The following CDH20 variants were observed in gnomAD, a reference collection of about 807,000 sequenced individuals.
CDH20 encodes the protein cadherin 20, also known as cadherin-20.
A neutral mutation model predicts 74.2 loss-of-function variants in CDH20; 29 were observed. The ratio of observed to expected loss-of-function variants is 0.39; its 90% CI spans 0.29 to 0.53. The LOEUF (loss-of-function observed/expected upper bound fraction) is 0.53. CDH20 is among the 20% of genes least tolerant of loss of function. The pLI is 0.69. For synonymous variants in CDH20, 469 were observed against 405.4 expected (o/e 1.16, Z -1.88); for missense variants, 988 against 1,048.3 (o/e 0.94, Z 0.79).
intron 6 of CDH20, among the ~76,000 whole-genome samples, chr18:61,511,799 A>C (rs1259496086): frequency 6.6e-6 from 1 of 152,204 alleles, no homozygotes; most frequent in Non-Finnish European, 1.5e-5. Context: ...CACTGTCATT[A>C]CTAAAACGAT....
At chr18:61,406,659 G>A (rs1487083009) in intron 1 of CDH20, among the ~76,000 whole-genome samples, 2 of 152,220 alleles carry the variant, frequency 1.3e-5, no homozygotes, top group Non-Finnish European at 1.5e-5. Context: ...GGTTGAGAAA[G>A]GTGTCTTTAG....
At chr18:61,517,053 G>T (rs909640917) in intron 6 of CDH20, among the ~76,000 whole-genome samples, 8 of 151,788 alleles carry the variant, frequency 5.3e-5, no homozygotes, top group African/African-American at 9.7e-5. Flanking sequence ...GATACCATTT[G>T]CAAAAAAAAT....
chr18:61,455,516 T>C lies in CDH20; in HGVS notation c.-152-34886T>C, dbSNP rs146633684. ...CAAATTTTGAGTCATTTATTCTATG[T>C]TTTGGGTTTCTTCAATATGGCTATT... On this transcript the variant is annotated intron_variant, in intron 1 of 11. Coordinates refer to ENST00000262717, the MANE Select transcript of CDH20 (RefSeq NM_031891.4). Among the ~76,000 whole-genome samples, 120 of 152,300 alleles carry C rather than the reference T, an allele frequency of 7.9e-4. No individual in the cohort carries two copies. The East Asian group carries it at 0.017, about 22-fold the overall frequency.
At chr18:61,473,009 T>C (rs1910239000) in intron 1 of CDH20, among the ~76,000 whole-genome samples, 1 of 152,230 alleles carries the variant, frequency 6.6e-6, no homozygotes, top group South Asian at 2.1e-4. Context: ...ATTTTTCTCT[T>C]TGATTCTTTT....
intron 6 of CDH20, among the ~76,000 whole-genome samples, chr18:61,522,274 AATAG>A (rs564308322): frequency 0.022 from 3,381 of 152,132 alleles, 42 homozygotes; most frequent in African/African-American, 0.031. Flanking sequence ...ATACACCAAT[AATAG>A]ATAGAGAGCC....
chr18:61,423,476 G>A lies in CDH20; in HGVS notation c.-152-66926G>A, dbSNP rs527788339. 4.0e-4 allele frequency among the ~76,000 whole-genome samples: 61 copies of A among 152,220 alleles called. No individual in the cohort carries two copies. The South Asian group carries it at 0.011, about 27-fold the overall frequency. On this transcript the variant is annotated intron_variant, in intron 1 of 11. Transcript: ENST00000262717. ...AATAATCTCTGCATCATCCATCAGG[G>A]CCAAGGCCCTATCTTACCTTTACCC... is the stretch of plus-strand genomic sequence containing the variant.
chr18:61,424,434 G>T (rs569761527), intron 1 of CDH20, among the ~76,000 whole-genome samples: 2 of 152,328 alleles, frequency 1.3e-5, no homozygotes, highest in Admixed American at 1.3e-4. Context: ...TGGAAAGTAT[G>T]GCAGTGTTAG....
At chr18:61,428,487 G>T (rs552491593) in intron 1 of CDH20, among the ~76,000 whole-genome samples, 1 of 152,302 alleles carries the variant, frequency 6.6e-6, no homozygotes, top group African/African-American at 2.4e-5. Context: ...ACAGATGGCT[G>T]CTGGGGTCTC....
intron 9 of CDH20, among the ~76,000 whole-genome samples, chr18:61,541,616 A>G (rs1311045514): frequency 6.6e-6 from 1 of 152,180 alleles, no homozygotes; most frequent in Non-Finnish European, 1.5e-5. Context: ...TTAGGCCAAG[A>G]TACTGAAAAT....
chr18:61,467,447 G>T (rs952175958), intron 1 of CDH20, among the ~76,000 whole-genome samples: 1 of 152,056 alleles, frequency 6.6e-6, no homozygotes, highest in African/African-American at 2.4e-5. Context: ...TTACTAACAA[G>T]CTTCCATTTC....
intron 1 of CDH20, among the ~76,000 whole-genome samples, chr18:61,465,737 G>A (rs190168405): frequency 6.6e-6 from 1 of 151,604 alleles, no homozygotes; most frequent in Non-Finnish European, 1.5e-5. Flanking sequence ...GAAAACACAG[G>A]GAAAGGAATA....
At chr18:61,371,945 T>C (rs1390620015) in intron 1 of CDH20, among the ~76,000 whole-genome samples, 3 of 152,024 alleles carry the variant, frequency 2.0e-5, no homozygotes, top group East Asian at 3.9e-4. Flanking sequence ...TGCAGTCATT[T>C]CTCCCTCATA....
intron 6 of CDH20, among the ~76,000 whole-genome samples, chr18:61,526,293 T>A (rs1912411274): frequency 6.6e-6 from 1 of 151,848 alleles, no homozygotes; most frequent in Non-Finnish European, 1.5e-5. Context: ...CACACCCAGC[T>A]AATTTTTGTA....
intron 8 of CDH20, among the ~76,000 whole-genome samples, chr18:61,537,850 A>G (rs1912865048): frequency 6.6e-6 from 1 of 152,214 alleles, no homozygotes; most frequent in South Asian, 2.1e-4. Context: ...TTTTTGGGAA[A>G]GAAAGGAAGA....
intron 1 of CDH20, among the ~76,000 whole-genome samples, chr18:61,370,266 TG>T (rs1910991808): frequency 1.3e-5 from 2 of 152,198 alleles, no homozygotes; most frequent in South Asian, 4.1e-4. Flanking sequence ...GCATAGGGTA[TG>T]GTGCTTACAA....
At chr18:61,544,899 C>A in intron 9 of CDH20, 128 bp from the exon 10 acceptor site, 1 of 683,388 alleles carries the variant, frequency 1.5e-6, no homozygotes. Flanking sequence ...TGCCCCTCTC[C>A]CATACCAATG....
intron 1 of CDH20, among the ~76,000 whole-genome samples, chr18:61,472,495 A>G (rs1910217911): frequency 1.3e-5 from 2 of 151,752 alleles, no homozygotes; most frequent in Non-Finnish European, 2.9e-5. Context: ...CAGGAAGGGA[A>G]CTCCACCACT....
intron 1 of CDH20, among the ~76,000 whole-genome samples, chr18:61,462,645 G>T (rs1285807518): frequency 7.1e-6 from 1 of 141,792 alleles, no homozygotes; most frequent in Admixed American, 7.4e-5. Flanking sequence ...TTCACCAAAA[G>T]GAAACAGAAA....
chr18:61,395,762 C>T (rs1416528048), intron 1 of CDH20, among the ~76,000 whole-genome samples: 1 of 152,192 alleles, frequency 6.6e-6, no homozygotes, highest in African/African-American at 2.4e-5. Context: ...TGGCCAGGCG[C>T]GGTGGCTTAT....
Sources: gnomAD v4.1 joint callset for allele counts (sites outside exome capture counted in the v4.1 genomes callset) on GRCh38, gnomAD v4.1.1 for gene constraint, MANE v1.5 for transcripts, NCBI Gene and HGNC (gene_info 2026-07-23, HGNC 2026-07-21) for gene names.